TRIM66: variants seen among roughly 807,000 people sequenced by gnomAD.
TRIM66 encodes the protein tripartite motif-containing protein 66.
A neutral mutation model predicts 148.2 loss-of-function variants in TRIM66; 99 were observed. The ratio of observed to expected loss-of-function variants is 0.67; its 90% confidence interval spans 0.57 to 0.79. The LOEUF (loss-of-function observed/expected upper bound fraction) is 0.79, where lower values mean the gene tolerates loss of function less well. Among genes scored for constraint, TRIM66 ranks in the 30% least tolerant of loss-of-function variants. The pLI is 0.00. For synonymous variants in TRIM66, 616 were observed against 635.9 expected, an observed-to-expected ratio of 0.97 and a Z score of 0.47; for missense variants, 1,666 against 1,697.9, an observed-to-expected ratio of 0.98 and a Z score of 0.33.
intron 1 of TRIM66, chr11:8,680,650 GTTTAC>G (rs1039286965): frequency 4.6e-5 from 7 of 152,226 alleles, no homozygotes; most frequent in African/African-American, 7.2e-5. Flanking sequence ...CTTTGGATAT[GTTTAC>G]TTTGTCTGTA....
rs1455029803 is a variant in TRIM66 at position 8,648,465 on chromosome 11, C to G, written c.676G>C (p.Asp226His). ...EVLKLFCETC[D>H]MLTCHSCLVV... ...AGGCAGCTATGGCAAGTGAGCATAT[C>G]ACATGTCTCACAGAATAGCTTGAGT... Residue 226 changes from aspartate (D) to histidine (H), a missense_variant, in exon 9 of 25, where the codon GAT becomes CAT. Physicochemically the swap from Asp to His is moderately conservative, Grantham distance 81. Coordinates refer to ENST00000646038, the MANE Select transcript of TRIM66 (RefSeq NM_001388022.1). 6.4e-7 allele frequency: 1 copy of G among 1,551,734 alleles called. No homozygotes were observed. Among genetic ancestry groups the G allele is most frequent in the South Asian group, 1.2e-5 (1 of 84,058 alleles).
At chr11:8,673,586 T>C (rs141962701) in intron 4 of TRIM66, among the ~76,000 whole-genome samples, 3,597 of 152,330 alleles carry the variant, frequency 0.024, 73 homozygotes, top group Middle Eastern at 0.051. Flanking sequence ...TGAGCCATCA[T>C]CATTGTGGCA....
upstream of TRIM66, chr11:8,682,714 C>T: frequency 6.8e-7 from 1 of 1,465,504 alleles, no homozygotes; most frequent in Non-Finnish European, 9.5e-7. Flanking sequence ...CGCCCGAAGC[C>T]CGGCCTCTGT....
intron 15 of TRIM66, among the ~76,000 whole-genome samples, chr11:8,635,870 T>A (rs2035835541): frequency 6.6e-6 from 1 of 152,178 alleles, no homozygotes; most frequent in South Asian, 2.1e-4. Flanking sequence ...GCTCCTTTCC[T>A]CTGCTCTGTG....
intron 14 of TRIM66, 63 bp downstream of exon 14, chr11:8,640,164 C>T (rs2036238099): frequency 6.1e-6 from 9 of 1,464,336 alleles, no homozygotes; most frequent in Non-Finnish European, 8.3e-6. Context: ...TTTGGGGAGG[C>T]TGTGTTCCCT....
chr11:8,639,129 C>T (rs1037193220), intron 14 of TRIM66, among the ~76,000 whole-genome samples: 2 of 152,220 alleles, frequency 1.3e-5, no homozygotes, highest in Non-Finnish European at 2.9e-5. Context: ...CTAGACCCTT[C>T]TCTGCCATCA....
intron 6 of TRIM66, among the ~76,000 whole-genome samples, chr11:8,655,314 A>T (rs888842198): frequency 1.3e-5 from 2 of 152,288 alleles, no homozygotes; most frequent in South Asian, 4.1e-4. Context: ...AAAAGCTTTT[A>T]ATTAAAAAAT....
chr11:8,672,349 G>C lies in TRIM66; in HGVS notation c.-75C>G. ...CGAACAAACCCTTCAAAAGTGTCCC[G>C]TACCTGTGCCTCTCCTTATTGGTAG... is the stretch of plus-strand genomic sequence containing the variant. On this transcript the variant is annotated 5_prime_UTR_variant, in exon 5 of 25. Coordinates refer to ENST00000646038, the MANE Select transcript of TRIM66 (RefSeq NM_001388022.1). 1.3e-6 allele frequency: 2 copies of C among 1,531,948 alleles called. No homozygotes were observed. The highest frequency in any genetic ancestry group is 1.4e-5 in the African/African-American group (1 of 72,922). The allele number at this position is 1,531,948 out of a possible 1,614,324, so 94.9% of individuals were successfully genotyped here. A position where few individuals can be genotyped will look rare whatever the true frequency, so the allele number is the denominator to read the frequency against.
intron 3 of TRIM66, among the ~76,000 whole-genome samples, chr11:8,678,358 G>A (rs1335296802): frequency 2.0e-5 from 3 of 152,146 alleles, no homozygotes; most frequent in African/African-American, 7.2e-5. Context: ...CATGAAGACT[G>A]GGTAGTGATA....
intron 23 of TRIM66, 45 bp from the exon 24 acceptor site, chr11:8,619,013 G>A: frequency 6.6e-7 from 1 of 1,517,618 alleles, no homozygotes; most frequent in Non-Finnish European, 9.0e-7. Context: ...GTTTCTACCA[G>A]TCCATCTCTT....
rs200545137 is a variant in TRIM66 at position 8,671,534 on chromosome 11, T to A, written c.340+252A>T. Among the ~76,000 whole-genome samples the A allele has an allele frequency of 2.6e-5, 4 of 152,280 alleles. No homozygotes were observed. In the East Asian group the frequency reaches 7.7e-4, roughly 29 times the overall value. On this transcript the variant is annotated intron_variant, in intron 6 of 24. Coordinates refer to ENST00000646038, the MANE Select transcript of TRIM66 (RefSeq NM_001388022.1). ...GCAGCCAAACTTTGAATCAAAACCTTTCCAGGCTTCTTAGTCTGCCACCAA... is the reference window on the plus strand; with the variant it reads ...GCAGCCAAACTTTGAATCAAAACCTATCCAGGCTTCTTAGTCTGCCACCAA...
intron 1 of TRIM66, among the ~76,000 whole-genome samples, chr11:8,680,357 G>C (rs2039353235): frequency 6.6e-6 from 1 of 152,152 alleles, no homozygotes; most frequent in Non-Finnish European, 1.5e-5. Flanking sequence ...GAGGTGTGAA[G>C]GATACAGAAA....
chr11:8,623,908 G>A lies in TRIM66; in HGVS notation c.3019+451C>T, dbSNP rs573638050. Among the ~76,000 whole-genome samples, 29 of 152,290 alleles carry A rather than the reference G, an allele frequency of 1.9e-4. 1 individual carries two copies. In the South Asian group the frequency reaches 4.4e-3, roughly 23 times the overall value. On this transcript the variant is annotated intron_variant, in intron 17 of 24. Coordinates refer to ENST00000646038, the MANE Select transcript of TRIM66 (RefSeq NM_001388022.1). ...TCCCAGTAGCCTAAGAAGTAGGTGC[G>A]ATTGGCCCCATTTAGAGAGAAAGAA...
In TRIM66 at chr11:8,640,516, G is replaced by A; in HGVS notation, c.1859C>T (p.Pro620Leu). 1 of 1,542,140 alleles carries A rather than the reference G, an allele frequency of 6.5e-7. No homozygotes were observed. Among genetic ancestry groups the A allele is most frequent in the Non-Finnish European group, 8.7e-7 (1 of 1,143,634 alleles). Residue 620 changes from proline (P) to leucine (L), a missense_variant, in exon 14 of 25, where the codon CCA (proline) becomes CTA (leucine). Coordinates refer to ENST00000646038, the MANE Select transcript of TRIM66 (RefSeq NM_001388022.1). The part of the protein sequence containing the change: ...PHPPPPLPPP[P>L]QQPHPPLPPS... ...AGGAAGAGGTGGGTGTGGCTGCTGT[G>A]GGGGAGGGGGAAGGGGAGGTGGGGG...
chr11:8,678,121 A>C (rs1237992373), intron 3 of TRIM66: 3 of 152,274 alleles, frequency 2.0e-5, no homozygotes, highest in African/African-American at 7.2e-5. Context: ...ATGAATCACA[A>C]AAATGTTCAT....
At chr11:8,652,007 A>T in intron 6 of TRIM66, 104 bp from the exon 7 acceptor site, 3 of 881,774 alleles carry the variant, frequency 3.4e-6, no homozygotes, top group Non-Finnish European at 5.1e-6. Flanking sequence ...ACATGGCAAT[A>T]CCCATGTGTG....
intron 22 of TRIM66, among the ~76,000 whole-genome samples, chr11:8,619,739 T>C (rs1021045531): frequency 5.3e-5 from 8 of 152,210 alleles, no homozygotes; most frequent in African/African-American, 1.9e-4. Flanking sequence ...ACCTGTCAAG[T>C]AGGATCTGAT....
intron 13 of TRIM66, among the ~76,000 whole-genome samples, chr11:8,642,423 C>A (rs77232328): frequency 1.1e-4 from 16 of 152,292 alleles, no homozygotes; most frequent in African/African-American, 3.4e-4. Context: ...GTTTAACACT[C>A]GTTAGGCTGT....
At chr11:8,659,920 C>G (rs2133371478) in intron 6 of TRIM66, among the ~76,000 whole-genome samples, 1 of 152,252 alleles carries the variant, frequency 6.6e-6, no homozygotes, top group African/African-American at 2.4e-5. Flanking sequence ...TTCTGTCACC[C>G]AGGCTGGAGT....
Sources: gnomAD v4.1 joint callset for allele counts (sites outside exome capture counted in the v4.1 genomes callset) on GRCh38, gnomAD v4.1.1 for gene constraint, MANE v1.5 for transcripts, NCBI Gene and HGNC (gene_info 2026-07-23, HGNC 2026-07-21) for gene names.